Variants in SRI observed in about 807,000 individuals in gnomAD.
SRI encodes the protein sorcin.
Under a neutral mutation model 33.3 loss-of-function variants are expected in SRI, and 30 were observed. The observed-to-expected ratio is 0.90, with a 90% CI of 0.67 to 1.22. The LOEUF is 1.22. Ranked by LOEUF, SRI falls within the 50% of genes most tolerant of loss-of-function variation. SRI has a pLI of 0.00. For missense variants in SRI, 243 were observed against 250.8 expected (o/e 0.97, Z 0.21); for synonymous variants, 75 against 89.9 (o/e 0.83, Z 0.94).
Position 88,210,124 on chromosome 7 carries a change from T to G in SRI, c.256A>C (p.Met86Leu), listed in dbSNP as rs370090807. Reference sequence around the variant, plus strand: ...TCATTGAAACCCATTGTGCCAGACATATCTCTCTGAACTGTAATCAAGGAT... The same window carrying G: ...TCATTGAAACCCATTGTGCCAGACAGATCTCTCTGAACTGTAATCAAGGAT... ...RLMVSMLDRD[M>L]SGTMGFNEFK... The change falls in exon 5 of 8, where the codon ATG becomes CTG. Residue 86 changes from methionine (M) to leucine (L), a missense_variant. By Grantham distance (15) the Met-to-Leu change is conservative. Transcript: ENST00000265729. 9 of 1,614,106 alleles carry G rather than the reference T, an allele frequency of 5.6e-6. No individual in the cohort carries two copies. Among genetic ancestry groups the G allele is most frequent in the Non-Finnish European group, 1.7e-6 (2 of 1,179,978 alleles).
upstream of SRI, chr7:88,220,167 C>T: frequency 7.6e-7 from 1 of 1,320,624 alleles, no homozygotes; most frequent in South Asian, 2.1e-5. Context: ...GTCTCCAGCT[C>T]TTGCCTGTGC....
rs1851730705 is a variant in SRI at position 88,216,825 on chromosome 7, A to C, written c.205+297T>G. The C allele has an allele frequency of 3.0e-5, 12 of 401,812 alleles. No homozygotes were observed. In the South Asian group the frequency reaches 3.4e-4, roughly 11 times the overall value. The allele number at this position is 401,812 out of a possible 1,614,324, so 24.9% of individuals were successfully genotyped here. ...GGTCTTGCTCTGTTGCTCAGGCTGG[A>C]GTGCAGTGGTACAATCATAGATTAC... On this transcript the variant is annotated intron_variant, in intron 3 of 7. Coordinates refer to ENST00000265729, the MANE Select transcript of SRI (RefSeq NM_003130.4).
upstream of SRI, among the ~76,000 whole-genome samples, chr7:88,221,610 T>G (rs1431413581): frequency 6.6e-6 from 1 of 152,224 alleles, no homozygotes; most frequent in Admixed American, 6.5e-5. Flanking sequence ...AGAATTAGCT[T>G]CGTGGATAAA....
At chr7:88,219,701 G>C (rs1241423517) in intron 1 of SRI, among the ~76,000 whole-genome samples, 1 of 152,174 alleles carries the variant, frequency 6.6e-6, no homozygotes, top group Non-Finnish European at 1.5e-5. Flanking sequence ...ATTTCACGCC[G>C]CGTATCCGAG....
chr7:88,217,252 C>G (rs1851750822), intron 2 of SRI, 61 bp from the exon 3 acceptor site: 1 of 1,365,970 alleles, frequency 7.3e-7, no homozygotes. Flanking sequence ...TGTTTACCTT[C>G]AGCATTCAAT....
intron 3 of SRI, among the ~76,000 whole-genome samples, chr7:88,215,121 T>C (rs866393198): frequency 1.3e-5 from 2 of 152,154 alleles, no homozygotes; most frequent in Admixed American, 6.5e-5. Context: ...GGTTTGGAAG[T>C]TGGGTTTAAA....
chr7:88,211,964 GAATT>G (rs533358796), intron 3 of SRI, among the ~76,000 whole-genome samples: 257 of 152,318 alleles, frequency 1.7e-3, no homozygotes, highest in Middle Eastern at 6.8e-3. Context: ...CTCTTACATT[GAATT>G]AATGGGAATC....
At position 88,206,111 on chromosome 7, in the gene SRI, G is replaced by A. The variant is rs2115729042; in HGVS notation, c.*367C>T. On this transcript the variant is annotated 3_prime_UTR_variant, in exon 8 of 8. Coordinates refer to ENST00000265729, the MANE Select transcript of SRI (RefSeq NM_003130.4). ...TTTATGTGTGGAGTATTCTTTGTAG[G>A]AGAGGAAAGATAACAGCTGTAGTCT... 1 of 249,692 alleles carries A rather than the reference G, an allele frequency of 4.0e-6. No individual in the cohort carries two copies. Among genetic ancestry groups the A allele is most frequent in the Middle Eastern group, 1.5e-3 (1 of 660 alleles). The allele number at this position is 249,692 out of a possible 1,614,324, so 15.5% of individuals were successfully genotyped here.
chr7:88,209,178 C>A (rs772811736), intron 6 of SRI, 161 bp downstream of exon 6: 21 of 490,170 alleles, frequency 4.3e-5, no homozygotes, highest in South Asian at 1.7e-4. Flanking sequence ...GGAAAAAAAA[C>A]CAAAAAATTA....
rs770615769 is a variant in SRI at position 88,209,375 on chromosome 7, A to G, written c.475T>C (p.Tyr159His). 6.2e-7 allele frequency: 1 copy of G among 1,614,086 alleles called. No individual in the cohort carries two copies. Among genetic ancestry groups the G allele is most frequent in the Admixed American group, 1.7e-5 (1 of 60,028 alleles). ...CTCAGTTTGACGCAGCAGGCGATGTAGTCGTCGAAGGTGATCTTTCCATTG... is the reference window on the plus strand; with the variant it reads ...CTCAGTTTGACGCAGCAGGCGATGTGGTCGTCGAAGGTGATCTTTCCATTG... The part of the protein sequence containing the change: ...STNGKITFDD[Y>H]IACCVKLRAL... The change falls in exon 6 of 8, where the codon TAC becomes CAC. Residue 159 changes from tyrosine (Y) to histidine (H), a missense_variant. Physicochemically the swap from Tyr to His is moderately conservative, Grantham distance 83. Transcript: ENST00000265729.
At chr7:88,209,610 ATTAT>A (rs1318947772) in intron 5 of SRI, among the ~76,000 whole-genome samples, 158 bp from the exon 6 acceptor site, 1 of 151,966 alleles carries the variant, frequency 6.6e-6, no homozygotes. Context: ...TCAGGTAGCA[ATTAT>A]TTATTTATTT....
chr7:88,217,213 AATC>A (rs779403633), intron 2 of SRI, 22 bp from the exon 3 acceptor site: 2 of 1,598,522 alleles, frequency 1.3e-6, no homozygotes, highest in South Asian at 1.1e-5. Context: ...AAATTAGAGG[AATC>A]ATAATAGTGA....
chr7:88,206,706 C>T (rs569208441), intron 7 of SRI, among the ~76,000 whole-genome samples: 1 of 152,236 alleles, frequency 6.6e-6, no homozygotes, highest in Admixed American at 6.5e-5. Flanking sequence ...GGGTTTCTCA[C>T]ATCAAAACTT....
At chr7:88,210,548 T>C (rs559571843) in intron 4 of SRI, 1 of 385,772 alleles carries the variant, frequency 2.6e-6, no homozygotes, top group Non-Finnish European at 4.8e-6. Flanking sequence ...TAGTCAGCAC[T>C]ACCTAAACTC....
intron 7 of SRI, 121 bp from the exon 8 acceptor site, chr7:88,206,625 CTAAGATA>C (rs1429287014): frequency 2.8e-6 from 3 of 1,056,610 alleles, no homozygotes; most frequent in African/African-American, 3.2e-5. Flanking sequence ...CTACAACTTT[CTAAGATA>C]TGAGTAAATG....
At chr7:88,218,833 C>A in intron 2 of SRI, 26 bp downstream of exon 2, 1 of 1,610,376 alleles carries the variant, frequency 6.2e-7, no homozygotes, top group Non-Finnish European at 8.5e-7. Flanking sequence ...AATAACGGCT[C>A]TTTAATATTA....
chr7:88,217,561 G>A (rs1462546329), intron 2 of SRI, among the ~76,000 whole-genome samples: 1 of 152,088 alleles, frequency 6.6e-6, no homozygotes, highest in Non-Finnish European at 1.5e-5. Context: ...GGCCTCCTTG[G>A]TCACTTTTTC....
upstream of SRI, among the ~76,000 whole-genome samples, chr7:88,222,438 GTGA>G (rs1851908444): frequency 6.6e-6 from 1 of 150,404 alleles, no homozygotes. Context: ...CTGATGGCCA[GTGA>G]TGATGAGCAT....
At chr7:88,214,050 C>T (rs138776089) in intron 3 of SRI, among the ~76,000 whole-genome samples, 84 of 152,214 alleles carry the variant, frequency 5.5e-4, no homozygotes, top group African/African-American at 2.0e-3. Context: ...CACATATAAC[C>T]CTAATCATGG....
Sources: allele counts gnomAD v4.1 joint callset (sites outside exome capture counted in the v4.1 genomes callset), GRCh38; gene constraint gnomAD v4.1.1; transcripts MANE v1.5; gene names NCBI Gene and HGNC (gene_info 2026-07-23, HGNC 2026-07-21).